ROR2: variants seen among roughly 807,000 people sequenced by gnomAD.
ROR2 encodes ROR family WNT receptor 2.
Under a neutral mutation model 74.9 loss-of-function variants are expected in ROR2, and 33 were observed. The observed-to-expected ratio is 0.44, with a 90% confidence interval of 0.33 to 0.59. The LOEUF is 0.59. Ranked by LOEUF, ROR2 falls within the 20% of genes least tolerant of loss-of-function variation. ROR2 has a pLI of 0.02. For missense variants in ROR2, 1,216 were observed against 1,313.8 expected (o/e 0.93, Z 1.15); for synonymous variants, 586 against 558.7 (o/e 1.05, Z -0.69).
At chr9:91,775,683 T>G (rs999562543) in intron 2 of ROR2, 58 bp downstream of exon 2, 13 of 1,529,012 alleles carry the variant, frequency 8.5e-6, no homozygotes, top group Non-Finnish European at 1.2e-5. Context: ...CAGTGCAAGA[T>G]GAGCCTCAGC....
At chr9:91,779,575 T>C (rs1219180606) in intron 1 of ROR2, among the ~76,000 whole-genome samples, 1 of 152,060 alleles carries the variant, frequency 6.6e-6, no homozygotes, top group Non-Finnish European at 1.5e-5. Context: ...TTCACCATGT[T>C]GGCCAGGCTG....
At chr9:91,827,616 G>T (rs1409469867) in intron 1 of ROR2, among the ~76,000 whole-genome samples, 2 of 152,170 alleles carry the variant, frequency 1.3e-5, no homozygotes, top group Non-Finnish European at 2.9e-5. Flanking sequence ...GGAGCAGGGG[G>T]TGGGTTCAGG....
chr9:91,901,834 A>AG (rs1705125276), intron 1 of ROR2, among the ~76,000 whole-genome samples: 1 of 152,002 alleles, frequency 6.6e-6, no homozygotes, highest in Non-Finnish European at 1.5e-5. Flanking sequence ...TGAAAAAAAA[A>AG]AAAGCAAAAA....
At chr9:91,889,669 C>A (rs1304500964) in intron 1 of ROR2, among the ~76,000 whole-genome samples, 1 of 152,196 alleles carries the variant, frequency 6.6e-6, no homozygotes, top group Non-Finnish European at 1.5e-5. Context: ...GACGCCAAAA[C>A]TCTCTGCACA....
intron 1 of ROR2, among the ~76,000 whole-genome samples, chr9:91,809,884 TC>T (rs1827687007): frequency 6.6e-6 from 1 of 152,244 alleles, no homozygotes; most frequent in Non-Finnish European, 1.5e-5. Context: ...ACATCTTGAC[TC>T]AGCAACAGTG....
At chr9:91,749,434 T>C (rs1457886170) in intron 4 of ROR2, among the ~76,000 whole-genome samples, 2 of 152,196 alleles carry the variant, frequency 1.3e-5, no homozygotes, top group African/African-American at 4.8e-5. Context: ...CCAGTACTCT[T>C]GGATCAGGGC....
intron 1 of ROR2, among the ~76,000 whole-genome samples, chr9:91,786,216 A>G (rs1826796186): frequency 6.9e-6 from 1 of 145,286 alleles, no homozygotes; most frequent in Non-Finnish European, 1.5e-5. Context: ...GAACCCTGAC[A>G]CTCCACAGAC....
At chr9:91,868,097 T>G (rs994781853) in intron 1 of ROR2, among the ~76,000 whole-genome samples, 3 of 151,994 alleles carry the variant, frequency 2.0e-5, no homozygotes, top group Admixed American at 6.6e-5. Flanking sequence ...AATACAACTA[T>G]TATAAAAATT....
chr9:91,914,122 T>A (rs895777380), intron 1 of ROR2, among the ~76,000 whole-genome samples: 1 of 152,126 alleles, frequency 6.6e-6, no homozygotes, highest in Admixed American at 6.5e-5. Flanking sequence ...AATGCCCCCG[T>A]GTGCTTGCTG....
At chr9:91,760,457 C>A (rs1289302144) in intron 2 of ROR2, among the ~76,000 whole-genome samples, 1 of 151,986 alleles carries the variant, frequency 6.6e-6, no homozygotes, top group African/African-American at 2.4e-5. Flanking sequence ...CACAGTGAAA[C>A]CCTGTCTCCA....
intron 2 of ROR2, among the ~76,000 whole-genome samples, chr9:91,764,103 T>C (rs1380086965): frequency 2.6e-5 from 4 of 152,226 alleles, no homozygotes; most frequent in Admixed American, 2.0e-4. Flanking sequence ...TGAGTTGATA[T>C]ATGGGAAATG....
At chr9:91,747,410 C>T (rs1033313467) in intron 4 of ROR2, among the ~76,000 whole-genome samples, 2 of 152,210 alleles carry the variant, frequency 1.3e-5, no homozygotes, top group Admixed American at 1.3e-4. Context: ...GGAAGAGCCA[C>T]GAGTGGAAGG....
intron 1 of ROR2, among the ~76,000 whole-genome samples, chr9:91,922,920 T>G (rs969042341): frequency 6.6e-6 from 1 of 151,914 alleles, no homozygotes; most frequent in Non-Finnish European, 1.5e-5. Flanking sequence ...TGGGGCAGCC[T>G]GCCTCTCAAA....
At chr9:91,903,663 T>C (rs1428221091) in intron 1 of ROR2, among the ~76,000 whole-genome samples, 2 of 152,048 alleles carry the variant, frequency 1.3e-5, no homozygotes, top group Non-Finnish European at 2.9e-5. Flanking sequence ...TTCCCCACAT[T>C]CTCAACATCC....
chr9:91,854,289 T>C (rs1195874542), intron 1 of ROR2, among the ~76,000 whole-genome samples: 1 of 152,196 alleles, frequency 6.6e-6, no homozygotes, highest in Admixed American at 6.5e-5. Context: ...AGGAAAGTCC[T>C]GTGACCAAGT....
At position 91,774,066 on chromosome 9, in the gene ROR2, C is replaced by T. The variant is rs576032275; in HGVS notation, c.175+1675G>A. Among the ~76,000 whole-genome samples the T allele has an allele frequency of 3.3e-5, 5 of 152,378 alleles. No individual in the cohort carries two copies. The East Asian group carries it at 9.6e-4, about 29-fold the overall frequency. On this transcript the variant is annotated intron_variant, in intron 2 of 8. Coordinates refer to ENST00000375708, the MANE Select transcript of ROR2 (RefSeq NM_004560.4). ...CAATCAGTAAGTATCTGTGGTCTGT[C>T]TGCACTGTGGGTTAAGTCAGGCTTT...
intron 4 of ROR2, among the ~76,000 whole-genome samples, chr9:91,754,563 G>A (rs977976910): frequency 4.6e-5 from 7 of 152,124 alleles, no homozygotes; most frequent in Admixed American, 2.0e-4. Context: ...GCTCAGACAG[G>A]AGAATTGCCT....
At chr9:91,855,243 C>CTATTAGCAA (rs1475949148) in intron 1 of ROR2, among the ~76,000 whole-genome samples, 1 of 152,164 alleles carries the variant, frequency 6.6e-6, no homozygotes, top group Admixed American at 6.5e-5. Flanking sequence ...ATAGTTGCTC[C>CTATTAGCAA]TAGAGTCCAT....
rs146140407 is a variant in ROR2, at chr9:91,904,072, G to A, written c.97+45795C>T. Among the ~76,000 whole-genome samples the A allele has an allele frequency of 4.0e-4, 60 of 150,360 alleles. No individual in the cohort carries two copies. In the East Asian group the frequency reaches 7.2e-3, roughly 18 times the overall value. ...TTTTTGGGGGGGGGGACAGAGTCTC[G>A]CTCTGCCGCATAGGCTGGAGTACAG... On this transcript the variant is annotated intron_variant, in intron 1 of 8. Transcript: ENST00000375708.
Sources: allele counts gnomAD v4.1 joint callset (sites outside exome capture counted in the v4.1 genomes callset), GRCh38; gene constraint gnomAD v4.1.1; transcripts MANE v1.5; gene names NCBI Gene and HGNC (gene_info 2026-07-23, HGNC 2026-07-21).